Variants in ABCG2 observed in about 807,000 individuals in gnomAD.
ABCG2 encodes the protein broad substrate specificity ATP-binding cassette transporter ABCG2.
A neutral mutation model predicts 73.5 loss-of-function variants in ABCG2; 80 were observed. The observed-to-expected ratio is 1.09, with a 90% CI of 0.91 to 1.31. The LOEUF (loss-of-function observed/expected upper bound fraction) is 1.31. Ranked by LOEUF, ABCG2 falls within the 50% of genes most tolerant of loss-of-function variation. The pLI is 0.00. For synonymous variants in ABCG2, 269 were observed against 282.4 expected (o/e 0.95, Z 0.48); for missense variants, 796 against 786.2 (o/e 1.01, Z -0.15).
intron 1 of ABCG2, among the ~76,000 whole-genome samples, chr4:88,196,077 A>G (rs1728932890): frequency 1.3e-5 from 2 of 152,164 alleles, no homozygotes; most frequent in South Asian, 4.1e-4. Flanking sequence ...TTGCAGAGCC[A>G]GTGTAACAAC....
At chr4:88,166,402 C>A (rs931330516) in intron 1 of ABCG2, among the ~76,000 whole-genome samples, 1 of 152,168 alleles carries the variant, frequency 6.6e-6, no homozygotes, top group African/African-American at 2.4e-5. Context: ...TCCCTTTTCC[C>A]ATATTATTGG....
chr4:88,138,264 A>T (rs558456267), intron 2 of ABCG2, among the ~76,000 whole-genome samples: 2 of 152,100 alleles, frequency 1.3e-5, no homozygotes, highest in Middle Eastern at 3.4e-3. Context: ...ATGGGAATGA[A>T]TTTTTTTTTC....
intron 1 of ABCG2, among the ~76,000 whole-genome samples, chr4:88,225,694 G>T (rs1473573630): frequency 6.6e-6 from 1 of 152,160 alleles, no homozygotes; most frequent in East Asian, 1.9e-4. Flanking sequence ...TGGGATCTCT[G>T]CTCAGTGCTT....
rs187957940 is a variant in ABCG2 at position 88,208,478 on chromosome 4, T to C, written c.-20+22516A>G. 2.4e-3 allele frequency among the ~76,000 whole-genome samples: 361 copies of C among 152,300 alleles called. 1 individual carries two copies. Among genetic ancestry groups the C allele is most frequent in the South Asian group, 7.0e-3 (34 of 4,828 alleles). On this transcript the variant is annotated intron_variant, in intron 1 of 15. Coordinates refer to the ABCG2 transcript ENST00000515655. ...TACTAGAGACTTAGGGCCCAAGGTT[T>C]TTAGGAGGGCTGGTCGGGTAGATAC...
At chr4:88,184,682 TAAG>T (rs1335425176) in intron 1 of ABCG2, among the ~76,000 whole-genome samples, 1 of 152,106 alleles carries the variant, frequency 6.6e-6, no homozygotes, top group Non-Finnish European at 1.5e-5. Context: ...GCATTCATCA[TAAG>T]AATAGAAAAA....
intron 7 of ABCG2, among the ~76,000 whole-genome samples, 198 bp from the exon 8 acceptor site, chr4:88,115,256 C>CTCTCTCTCTCTATA (rs1309360818): frequency 2.9e-5 from 2 of 69,872 alleles, no homozygotes; most frequent in African/African-American, 5.6e-5. Flanking sequence ...CTCTCTCTCT[C>CTCTCTCTCTCTATA]TATATATATA....
At chr4:88,120,164 C>T (rs1723870545) in intron 6 of ABCG2, among the ~76,000 whole-genome samples, 1 of 152,130 alleles carries the variant, frequency 6.6e-6, no homozygotes, top group Non-Finnish European at 1.5e-5. Context: ...TGGTGTTAGG[C>T]CTGCCCTTCA....
chr4:88,158,970 C>G, upstream of ABCG2: 1 of 359,624 alleles, frequency 2.8e-6, no homozygotes, highest in South Asian at 2.0e-5. Context: ...GGGGGTGAGG[C>G]GTGGCCCCGA....
intron 12 of ABCG2, 141 bp downstream of exon 12, chr4:88,099,183 A>T (rs1722206150): frequency 3.6e-5 from 26 of 731,298 alleles, no homozygotes; most frequent in Non-Finnish European, 5.3e-5. Context: ...TGTTTCAGAG[A>T]GTGCAAAATG....
intron 1 of ABCG2, among the ~76,000 whole-genome samples, chr4:88,200,912 A>G (rs2110114458): frequency 6.6e-6 from 1 of 152,312 alleles, no homozygotes; most frequent in Non-Finnish European, 1.5e-5. Context: ...CTAAATAAAA[A>G]TGAAAATATA....
At chr4:88,150,552 A>C (rs1726394793) in intron 1 of ABCG2, among the ~76,000 whole-genome samples, 1 of 152,202 alleles carries the variant, frequency 6.6e-6, no homozygotes, top group Non-Finnish European at 1.5e-5. Context: ...AATGATATCT[A>C]TATTTAAAGC....
chr4:88,152,339 G>A (rs764722674), intron 1 of ABCG2, among the ~76,000 whole-genome samples: 10 of 152,172 alleles, frequency 6.6e-5, no homozygotes, highest in Admixed American at 1.3e-4. Flanking sequence ...ACTCGCGTCC[G>A]TGTGAAGAGA....
chr4:88,193,925 A>G (rs1728811233), intron 1 of ABCG2, among the ~76,000 whole-genome samples: 1 of 151,974 alleles, frequency 6.6e-6, no homozygotes, highest in Non-Finnish European at 1.5e-5. Context: ...TTGTATTTTT[A>G]ATAGAGATGG....
intron 1 of ABCG2, among the ~76,000 whole-genome samples, chr4:88,221,359 A>G (rs1230937462): frequency 6.6e-6 from 1 of 152,210 alleles, no homozygotes; most frequent in Admixed American, 6.5e-5. Context: ...GTAAATTGGT[A>G]CCGCAGAGAG....
intron 1 of ABCG2, 99 bp from the exon 2 acceptor site, chr4:88,140,113 C>A (rs1564481): frequency 3.5e-5 from 35 of 994,178 alleles, no homozygotes; most frequent in Non-Finnish European, 5.2e-5. Flanking sequence ...TTTAAATGTG[C>A]GGCAATGAGC....
At chr4:88,206,380 C>A (rs1009443557) in intron 1 of ABCG2, 16 of 152,082 alleles carry the variant, frequency 1.1e-4, no homozygotes, top group African/African-American at 3.9e-4. Flanking sequence ...TCTTTTTCTT[C>A]TTTTTTTAAA....
chr4:88,185,361 TCAAAA>T (rs1728411047), intron 1 of ABCG2, among the ~76,000 whole-genome samples: 1 of 152,136 alleles, frequency 6.6e-6, no homozygotes, highest in Non-Finnish European at 1.5e-5. Context: ...TGAAACTCTG[TCAAAA>T]CAAAACAAAA....
At chr4:88,228,418 C>T (rs9307048) in intron 1 of ABCG2, among the ~76,000 whole-genome samples, 32,326 of 152,048 alleles carry the variant, frequency 0.21, 4,017 homozygotes, top group Non-Finnish European at 0.29. Context: ...AATTCAGACC[C>T]GGGATAGCTT....
chr4:88,116,443 T>C (rs1276646794), intron 7 of ABCG2, among the ~76,000 whole-genome samples: 3 of 152,030 alleles, frequency 2.0e-5, no homozygotes, highest in Non-Finnish European at 4.4e-5. Flanking sequence ...TAAAATTATA[T>C]TTAGGATCAT....
Sources: gnomAD v4.1 joint callset for allele counts (sites outside exome capture counted in the v4.1 genomes callset) on GRCh38, gnomAD v4.1.1 for gene constraint, MANE v1.5 for transcripts, NCBI Gene and HGNC (gene_info 2026-07-23, HGNC 2026-07-21) for gene names.